Variants in SCMH1 observed in about 807,000 individuals in gnomAD.
SCMH1 encodes Scm polycomb group protein homolog 1.
A neutral mutation model predicts 70.8 loss-of-function variants in SCMH1; 37 were observed. The observed-to-expected ratio is 0.52, with a 90% CI of 0.40 to 0.69. The LOEUF (loss-of-function observed/expected upper bound fraction) is 0.69, where lower values mean the gene tolerates loss of function less well. Among genes scored for constraint, SCMH1 ranks in the 30% least tolerant of loss-of-function variants. The pLI is 0.00. For synonymous variants in SCMH1, 292 were observed against 307.4 expected (o/e 0.95, Z 0.52); for missense variants, 607 against 827.3 (o/e 0.73, Z 3.27).
chr1:41,142,214 T>G (rs768707049), intron 6 of SCMH1, among the ~76,000 whole-genome samples: 14 of 152,088 alleles, frequency 9.2e-5, no homozygotes, highest in Non-Finnish European at 1.6e-4. Context: ...TAGCACAGCT[T>G]CCTGAGAGGA....
chr1:41,223,151 G>A (rs1014267661), intron 1 of SCMH1, among the ~76,000 whole-genome samples: 1 of 152,132 alleles, frequency 6.6e-6, no homozygotes, highest in Admixed American at 6.6e-5. Flanking sequence ...TTCTATCAAT[G>A]GAATCTGGAG....
intron 9 of SCMH1, among the ~76,000 whole-genome samples, chr1:41,072,242 T>G (rs1267272093): frequency 6.6e-6 from 1 of 152,118 alleles, no homozygotes; most frequent in Non-Finnish European, 1.5e-5. Context: ...AAAATCCAAA[T>G]ACGTAATGAA....
At chr1:41,161,517 T>C (rs1646030387) in intron 2 of SCMH1, 85 bp from the exon 3 acceptor site, 2 of 1,380,824 alleles carry the variant, frequency 1.4e-6, no homozygotes, top group Non-Finnish European at 1.9e-6. Context: ...ATTAACAGTT[T>C]TTAATAAAGT....
At chr1:41,044,968 G>C (rs1646717168) in intron 12 of SCMH1, among the ~76,000 whole-genome samples, 1 of 152,260 alleles carries the variant, frequency 6.6e-6, no homozygotes, top group South Asian at 2.1e-4. Flanking sequence ...ATTTCTTTGA[G>C]AAATCTCTTT....
intron 6 of SCMH1, among the ~76,000 whole-genome samples, chr1:41,140,401 T>C (rs1486335752): frequency 6.6e-6 from 1 of 152,010 alleles, no homozygotes; most frequent in Non-Finnish European, 1.5e-5. Context: ...CAACTGATTC[T>C]CCTGCCTCAG....
intron 2 of SCMH1, among the ~76,000 whole-genome samples, chr1:41,181,244 C>T (rs1648671959): frequency 6.6e-6 from 1 of 152,102 alleles, no homozygotes; most frequent in African/African-American, 2.4e-5. Flanking sequence ...CCATAAAAAC[C>T]CTAGAAGAAA....
intron 2 of SCMH1, among the ~76,000 whole-genome samples, chr1:41,177,599 C>T (rs1572859487): frequency 6.6e-6 from 1 of 152,132 alleles, no homozygotes; most frequent in East Asian, 1.9e-4. Context: ...AATGCACAAG[C>T]CTCAGTAGCC....
At chr1:41,208,996 GAAGAA>G (rs1656314805) in intron 1 of SCMH1, among the ~76,000 whole-genome samples, 1 of 152,080 alleles carries the variant, frequency 6.6e-6, no homozygotes, top group African/African-American at 2.4e-5. Flanking sequence ...GACTAGTAAA[GAAGAA>G]AAGAGAGAAG....
intron 10 of SCMH1, among the ~76,000 whole-genome samples, chr1:41,049,308 A>ATG (rs1443409793): frequency 1.6e-5 from 1 of 60,726 alleles, no homozygotes; most frequent in Non-Finnish European, 3.0e-5. Flanking sequence ...TAGCAAGGGC[A>ATG]TATGTGTGTG....
intron 6 of SCMH1, among the ~76,000 whole-genome samples, chr1:41,134,277 C>T (rs536136496): frequency 2.0e-5 from 3 of 152,208 alleles, no homozygotes; most frequent in East Asian, 1.9e-4. Flanking sequence ...ATTGATGGGA[C>T]GTATCTCAAA....
chr1:41,119,130 T>C (rs1338802118), intron 6 of SCMH1, among the ~76,000 whole-genome samples: 5 of 152,162 alleles, frequency 3.3e-5, no homozygotes, highest in Non-Finnish European at 5.9e-5. Context: ...GCCCACACTT[T>C]AAAACTGGCA....
At chr1:41,084,950 G>A (rs1426701095) in intron 8 of SCMH1, among the ~76,000 whole-genome samples, 1 of 146,248 alleles carries the variant, frequency 6.8e-6, no homozygotes, top group Non-Finnish European at 1.5e-5. Flanking sequence ...ACACAGGAAG[G>A]GGAATATCAC....
At chr1:41,137,460 T>C (rs74069024) in intron 6 of SCMH1, among the ~76,000 whole-genome samples, 1,663 of 152,144 alleles carry the variant, frequency 0.011, 28 homozygotes, top group African/African-American at 0.038. Flanking sequence ...CACACACACA[T>C]ACACCTACGA....
chr1:41,201,423 C>CTTAG (rs1654333306), intron 1 of SCMH1, among the ~76,000 whole-genome samples: 1 of 152,220 alleles, frequency 6.6e-6, no homozygotes, highest in Non-Finnish European at 1.5e-5. Context: ...CAAGTGTTCT[C>CTTAG]TTAGTGCCTT....
chr1:41,151,934 G>A (rs958039234), intron 4 of SCMH1, among the ~76,000 whole-genome samples: 2 of 152,154 alleles, frequency 1.3e-5, no homozygotes, highest in Admixed American at 1.3e-4. Context: ...CATTCCTAAA[G>A]TGATCCAAAA....
chr1:41,142,687 T>C (rs901188350), intron 6 of SCMH1, among the ~76,000 whole-genome samples, 191 bp downstream of exon 6: 5 of 152,208 alleles, frequency 3.3e-5, no homozygotes, highest in African/African-American at 1.2e-4. Flanking sequence ...AGCCTGGATA[T>C]CATAAGCTAA....
At chr1:41,112,039 C>G (rs1299258897) in intron 8 of SCMH1, among the ~76,000 whole-genome samples, 7 of 151,970 alleles carry the variant, frequency 4.6e-5, no homozygotes, top group Non-Finnish European at 1.0e-4. Context: ...CAAAAAAAAC[C>G]CTTTACAATT....
At chr1:41,159,297 G>C (rs1485574564) in intron 4 of SCMH1, among the ~76,000 whole-genome samples, 1 of 152,166 alleles carries the variant, frequency 6.6e-6, no homozygotes, top group African/African-American at 2.4e-5. Context: ...TATACTCTAT[G>C]TTAAATTGAG....
intron 5 of SCMH1, among the ~76,000 whole-genome samples, chr1:41,146,357 A>G (rs1396703760): frequency 6.6e-6 from 1 of 152,192 alleles, no homozygotes; most frequent in African/African-American, 2.4e-5. Context: ...TTAACTCTTT[A>G]CTGAAGAATG....
Sources: allele counts gnomAD v4.1 joint callset (sites outside exome capture counted in the v4.1 genomes callset), GRCh38; gene constraint gnomAD v4.1.1; transcripts MANE v1.5; gene names NCBI Gene and HGNC (gene_info 2026-07-23, HGNC 2026-07-21).